Variants in UTP6 observed in about 807,000 individuals in gnomAD.
UTP6 encodes UTP6 small subunit processome component.
In UTP6, 60 loss-of-function variants were observed where a neutral mutation model predicts 96.5. The ratio of observed to expected loss-of-function variants is 0.62; its 90% confidence interval spans 0.51 to 0.77. UTP6 has a LOEUF of 0.77. UTP6 is among the 30% of genes least tolerant of loss of function. UTP6 has a pLI of 0.00. For synonymous variants in UTP6, 215 were observed against 240.1 expected (o/e 0.90, Z 0.96); for missense variants, 637 against 706.5 (o/e 0.90, Z 1.12).
intron 11 of UTP6, among the ~76,000 whole-genome samples, chr17:31,879,697 A>G (rs546285761): frequency 6.5e-4 from 99 of 152,146 alleles, no homozygotes; most frequent in Middle Eastern, 3.4e-3. Context: ...TAATTAAGAA[A>G]TAATAATTGA....
chr17:31,889,213 G>T, intron 7 of UTP6, 72 bp downstream of exon 7: 1 of 1,224,622 alleles, frequency 8.2e-7, no homozygotes. Flanking sequence ...CTTGAATCCA[G>T]GAAAAAAAAA....
intron 17 of UTP6, among the ~76,000 whole-genome samples, chr17:31,867,740 G>A (rs1430290511): frequency 6.6e-6 from 1 of 151,974 alleles, no homozygotes; most frequent in East Asian, 1.9e-4. Context: ...GGCACATCAC[G>A]AGGTCAACAG....
intron 10 of UTP6, among the ~76,000 whole-genome samples, chr17:31,881,125 G>A (rs754419761): frequency 1.3e-5 from 2 of 151,254 alleles, no homozygotes; most frequent in East Asian, 1.9e-4. Flanking sequence ...GCAGTGAGTC[G>A]AGATCGCATC....
intron 17 of UTP6, among the ~76,000 whole-genome samples, chr17:31,867,817 A>G (rs183585968): frequency 2.0e-5 from 3 of 152,002 alleles, no homozygotes; most frequent in Non-Finnish European, 4.4e-5. Context: ...TTGGCTGGGC[A>G]TGGTGGCGTG....
At chr17:31,873,316 G>C in intron 16 of UTP6, 62 bp downstream of exon 16, 4 of 1,453,676 alleles carry the variant, frequency 2.8e-6, no homozygotes, top group Non-Finnish European at 3.8e-6. Context: ...CAAATAATCT[G>C]GGTATGAGCG....
intron 10 of UTP6, among the ~76,000 whole-genome samples, chr17:31,883,338 G>A (rs1390244400): frequency 6.4e-5 from 9 of 141,362 alleles, no homozygotes; most frequent in African/African-American, 2.2e-4. Flanking sequence ...TTTTTGAGAT[G>A]GAATTTTGCT....
rs1910216446 is a variant in UTP6 at position 31,872,247 on chromosome 17, T to C, written c.1496+1131A>G. Among the ~76,000 whole-genome samples the C allele has an allele frequency of 2.6e-5, 4 of 152,028 alleles. No individual in the cohort carries two copies. The South Asian group carries it at 8.3e-4, about 31-fold the overall frequency. ...CATAAATAAAATTACAGTTATACTA[T>C]AATCTCAACTACATAAAAACAAATT... On this transcript the variant is annotated intron_variant, in intron 16 of 18. Transcript: ENST00000261708.
At chr17:31,884,886 T>G (rs1911063905) in intron 9 of UTP6, 1 of 161,522 alleles carries the variant, frequency 6.2e-6, no homozygotes, top group Admixed American at 6.5e-5. Flanking sequence ...AAACCTCATC[T>G]CTACTACAAG....
chr17:31,896,177 A>T (rs1228587361), intron 2 of UTP6, among the ~76,000 whole-genome samples: 1 of 151,760 alleles, frequency 6.6e-6, no homozygotes, highest in Non-Finnish European at 1.5e-5. Context: ...TCCCGGATTC[A>T]AGCAGTTTTC....
intron 16 of UTP6, among the ~76,000 whole-genome samples, chr17:31,872,936 A>G (rs1322310662): frequency 6.6e-6 from 1 of 151,464 alleles, no homozygotes; most frequent in African/African-American, 2.4e-5. Context: ...ACAAAAAAAA[A>G]ACAAAAAAAA....
In UTP6 at chr17:31,873,377, C is replaced by T; in HGVS notation, c.1496+1G>A. 1 of 1,614,094 alleles carries T rather than the reference C, an allele frequency of 6.2e-7. No homozygotes were observed. Among genetic ancestry groups the T allele is most frequent in the Non-Finnish European group, 8.5e-7 (1 of 1,180,008 alleles). On this transcript the variant is annotated splice_donor_variant, in intron 16 of 18. Transcript: ENST00000261708. LOFTEE classifies it high-confidence loss of function. ...TAACAACTATGAACGTCTGTGAGTA[C>T]CTTTTAAACACAGCTCTGGCCTTTT...
chr17:31,883,469 C>T (rs1395844242), intron 10 of UTP6, among the ~76,000 whole-genome samples: 2 of 151,946 alleles, frequency 1.3e-5, no homozygotes, highest in Non-Finnish European at 2.9e-5. Flanking sequence ...GTATGCGCCA[C>T]CACGCCCGAC....
At chr17:31,890,650 T>A (rs1406400440) in intron 6 of UTP6, among the ~76,000 whole-genome samples, 2 of 149,908 alleles carry the variant, frequency 1.3e-5, no homozygotes, top group Non-Finnish European at 3.0e-5. Flanking sequence ...CTGCTTATCT[T>A]ACCACAAATA....
Position 31,863,198 on chromosome 17 carries a change from T to C in UTP6, c.*161A>G. On this transcript the variant is annotated 3_prime_UTR_variant, in exon 19 of 19. Coordinates refer to ENST00000261708, the MANE Select transcript of UTP6 (RefSeq NM_018428.3). ...TCAATCATAAAAATTTTTTAATTTT[T>C]AAAAAGATTTAACAAGTTAACATAA... The C allele has an allele frequency of 1.3e-6, 1 of 797,944 alleles. No homozygotes were observed. The highest frequency in any genetic ancestry group is 2.0e-6 in the Non-Finnish European group (1 of 511,392). The allele number at this position is 797,944 out of a possible 1,614,324, so 49.4% of individuals were successfully genotyped here.
chr17:31,889,174 C>T, intron 7 of UTP6, 111 bp downstream of exon 7: 1 of 708,918 alleles, frequency 1.4e-6, no homozygotes. Flanking sequence ...GTAATCCCAG[C>T]TACTCGGGAG....
intron 8 of UTP6, 79 bp downstream of exon 8, chr17:31,887,157 A>G: frequency 7.8e-7 from 1 of 1,286,882 alleles, no homozygotes; most frequent in Non-Finnish European, 1.1e-6. Context: ...ATATATTCCA[A>G]ATATTTTCTC....
chr17:31,889,745 G>A (rs556202250), intron 6 of UTP6, among the ~76,000 whole-genome samples: 42 of 151,906 alleles, frequency 2.8e-4, no homozygotes, highest in South Asian at 6.3e-4. Context: ...TGATCCGCCC[G>A]CCTCGGCCTC....
chr17:31,884,277 T>TTC lies in UTP6; in HGVS notation c.785+146_785+147insGA. ...TCTCCCAAAGTGCTGGGATTACAGG[T>TTC]GTGAGCCACTGCACCCGGCCAATAT... is the stretch of plus-strand genomic sequence containing the variant. On this transcript the variant is annotated intron_variant, in intron 10 of 18. Transcript: ENST00000261708. 1.2e-5 allele frequency: 7 copies of TTC among 593,380 alleles called. No homozygotes were observed. In the South Asian group the frequency reaches 1.5e-4, roughly 13 times the overall value. The allele number at this position is 593,380 out of a possible 1,614,324, so 36.8% of individuals were successfully genotyped here. A position where few individuals can be genotyped will look rare whatever the true frequency, so the allele number is the denominator to read the frequency against.
Position 31,892,326 on chromosome 17 carries a change from G to A in UTP6, c.361-3C>T, listed in dbSNP as rs202069162. On this transcript the variant is annotated splice_polypyrimidine_tract_variant and splice_region_variant and intron_variant, in intron 5 of 18. Coordinates refer to ENST00000261708, the MANE Select transcript of UTP6 (RefSeq NM_018428.3). ...TTGCTAAGTCGAGTTTTAGTAGCCT[G>A]TAAAAAAGGAAAATATTTCTACTTC... 2.1e-4 allele frequency: 335 copies of A among 1,613,632 alleles called. No homozygotes were observed. The highest frequency in any genetic ancestry group is 3.2e-4 in the Admixed American group (19 of 60,002).
Sources: gnomAD v4.1 joint callset for allele counts (sites outside exome capture counted in the v4.1 genomes callset) on GRCh38, gnomAD v4.1.1 for gene constraint, MANE v1.5 for transcripts, NCBI Gene and HGNC (gene_info 2026-07-23, HGNC 2026-07-21) for gene names.